TRDN: variants seen among roughly 807,000 people sequenced by gnomAD.
TRDN encodes triadin in skeletal muscle.
In TRDN, 161 loss-of-function variants were observed where a neutral mutation model predicts 149.7. That is an observed-to-expected ratio of 1.08 (90% confidence interval 0.95 to 1.23). The LOEUF is 1.23. TRDN is among the 50% of genes most tolerant of loss of function. The pLI, the probability that TRDN is intolerant of heterozygous loss-of-function variation, is 0.00. For missense variants in TRDN, 896 were observed against 823.5 expected, an observed-to-expected ratio of 1.09 and a Z score of -1.08; for synonymous variants, 294 against 250.5, an observed-to-expected ratio of 1.17 and a Z score of -1.64.
At chr6:123,328,757 T>G (rs890215190) in intron 23 of TRDN, among the ~76,000 whole-genome samples, 19 of 152,160 alleles carry the variant, frequency 1.2e-4, no homozygotes, top group Non-Finnish European at 2.8e-4. Context: ...TTTTTCACCT[T>G]CTTTTCTTGA....
chr6:123,372,297 T>G (rs1277329843), intron 19 of TRDN, among the ~76,000 whole-genome samples: 1 of 152,158 alleles, frequency 6.6e-6, no homozygotes, highest in Non-Finnish European at 1.5e-5. Flanking sequence ...CTAAATGATC[T>G]TGACATATAT....
At chr6:123,463,777 G>GT (rs11346009) in intron 10 of TRDN, among the ~76,000 whole-genome samples, 2,161 of 141,380 alleles carry the variant, frequency 0.015, 10 homozygotes, top group African/African-American at 0.023. Flanking sequence ...TTTTCTTTCT[G>GT]TTTTTTTTTT....
rs1774681174 is a variant in TRDN, at chr6:123,438,217, T to G, written c.992-95A>C. ...CTACCAGTGAGGCATCTAATTTATC[T>G]TGTATAGAGAAATCTTAAATCAGCC... On this transcript the variant is annotated intron_variant, in intron 11 of 40. Transcript: ENST00000334268. 5.8e-6 allele frequency: 5 copies of G among 860,170 alleles called. No homozygotes were observed. The Admixed American group carries it at 1.2e-4, about 21-fold the overall frequency. 53.3% of individuals were successfully genotyped at this position (860,170 alleles called of 1,614,324 possible).
intron 21 of TRDN, among the ~76,000 whole-genome samples, chr6:123,343,905 C>T (rs1211377280): frequency 6.6e-6 from 1 of 151,908 alleles, no homozygotes; most frequent in Non-Finnish European, 1.5e-5. Flanking sequence ...GGTATGGCAC[C>T]TCTGGCAGAT....
chr6:123,497,072 A>T, intron 9 of TRDN, 121 bp downstream of exon 9: 1 of 671,852 alleles, frequency 1.5e-6, no homozygotes, highest in Non-Finnish European at 2.3e-6. Flanking sequence ...GTTTTATTCT[A>T]GATCTACACA....
chr6:123,254,876 T>C (rs1776499515), intron 37 of TRDN: 1 of 466,234 alleles, frequency 2.1e-6, no homozygotes, highest in Admixed American at 3.0e-5. Flanking sequence ...ATGTTGCTAA[T>C]AGTTCTGATT....
At chr6:123,299,760 G>T (rs1221018435) in intron 24 of TRDN, among the ~76,000 whole-genome samples, 2 of 151,950 alleles carry the variant, frequency 1.3e-5, no homozygotes. Flanking sequence ...TAAGAGCATT[G>T]TTTTAAAAAC....
chr6:123,610,423 G>C (rs74705221), intron 1 of TRDN, among the ~76,000 whole-genome samples: 120 of 152,184 alleles, frequency 7.9e-4, no homozygotes, highest in African/African-American at 2.8e-3. Context: ...ATTCCATGTC[G>C]CTATGTGTTC....
intron 2 of TRDN, among the ~76,000 whole-genome samples, chr6:123,553,430 GAA>G (rs1781495101): frequency 7.0e-6 from 1 of 142,600 alleles, no homozygotes; most frequent in African/African-American, 2.8e-5. Flanking sequence ...AGGAAGGCAA[GAA>G]AACAGGGGTC....
intron 10 of TRDN, among the ~76,000 whole-genome samples, chr6:123,461,141 T>C (rs148316836): frequency 1.2e-4 from 18 of 152,206 alleles, no homozygotes; most frequent in African/African-American, 3.1e-4. Flanking sequence ...TATAAAAGCA[T>C]AGAGGGACTT....
intron 39 of TRDN, among the ~76,000 whole-genome samples, chr6:123,223,677 C>CTTCCTT (rs1775238919): frequency 9.7e-6 from 1 of 103,506 alleles, no homozygotes; most frequent in Non-Finnish European, 1.8e-5. Flanking sequence ...CCATTTCTTC[C>CTTCCTT]TTCCTTCCTT....
chr6:123,616,358 C>T (rs571585856), intron 1 of TRDN, among the ~76,000 whole-genome samples: 4 of 150,484 alleles, frequency 2.7e-5, no homozygotes, highest in East Asian at 2.0e-4. Flanking sequence ...CCATAATATA[C>T]GTTATACTTT....
chr6:123,454,281 A>T (rs1263960720), intron 10 of TRDN, among the ~76,000 whole-genome samples: 2 of 152,164 alleles, frequency 1.3e-5, no homozygotes, highest in Non-Finnish European at 2.9e-5. Flanking sequence ...TGACGGAAAA[A>T]TGTTAAAAAA....
At chr6:123,468,120 T>C (rs182878532) in intron 9 of TRDN, among the ~76,000 whole-genome samples, 40 of 152,316 alleles carry the variant, frequency 2.6e-4, no homozygotes, top group Non-Finnish European at 5.1e-4. Context: ...ACAAGAAGAT[T>C]TGAAGCTGAC....
chr6:123,632,756 A>G (rs746075562), intron 1 of TRDN, among the ~76,000 whole-genome samples: 4 of 152,000 alleles, frequency 2.6e-5, no homozygotes, highest in African/African-American at 2.4e-5. Flanking sequence ...AGGTAAATGC[A>G]GAAACATAGG....
At chr6:123,260,762 A>G in intron 33 of TRDN, 124 bp from the exon 34 acceptor site, 1 of 753,856 alleles carries the variant, frequency 1.3e-6, no homozygotes, top group Non-Finnish European at 2.0e-6. Flanking sequence ...CTAAATTACA[A>G]TAGGCACACA....
chr6:123,358,563 C>T (rs1316697534), intron 20 of TRDN, among the ~76,000 whole-genome samples: 2 of 151,986 alleles, frequency 1.3e-5, no homozygotes, highest in African/African-American at 4.8e-5. Context: ...CTTCTGGGTT[C>T]AAGCGATTCT....
chr6:123,549,824 G>T (rs968746743), intron 2 of TRDN, among the ~76,000 whole-genome samples: 1 of 152,020 alleles, frequency 6.6e-6, no homozygotes, highest in African/African-American at 2.4e-5. Context: ...TTCAATGACA[G>T]AATTAATAGT....
intron 9 of TRDN, among the ~76,000 whole-genome samples, chr6:123,472,139 C>G (rs1007701970): frequency 6.6e-6 from 1 of 152,142 alleles, no homozygotes; most frequent in Non-Finnish European, 1.5e-5. Flanking sequence ...ACGCAGAAGA[C>G]GGGTGATTTC....
Sources: gnomAD v4.1 joint callset for allele counts (sites outside exome capture counted in the v4.1 genomes callset) on GRCh38, gnomAD v4.1.1 for gene constraint, MANE v1.5 for transcripts, NCBI Gene and HGNC (gene_info 2026-07-23, HGNC 2026-07-21) for gene names.